Variants in KCNH8 observed in about 807,000 individuals in gnomAD.
KCNH8 encodes the protein potassium voltage-gated channel subfamily H member 8, also known as voltage-gated delayed rectifier potassium channel KCNH8.
In KCNH8, 70 loss-of-function variants were observed where a neutral mutation model predicts 103.6. The observed-to-expected ratio is 0.68, with a 90% CI of 0.56 to 0.82. The LOEUF is 0.82. Among genes scored for constraint, KCNH8 ranks in the 40% least tolerant of loss-of-function variants. The probability of loss-of-function intolerance (pLI) is 0.00; values close to 1 mark genes in which losing one functional copy is unlikely to be tolerated. For missense variants in KCNH8, 1,217 were observed against 1,329.9 expected, an observed-to-expected ratio of 0.92 and a Z score of 1.32; for synonymous variants, 498 against 489.4, an observed-to-expected ratio of 1.02 and a Z score of -0.23.
chr3:19,367,707 T>G (rs552956107), intron 5 of KCNH8, among the ~76,000 whole-genome samples: 5 of 152,064 alleles, frequency 3.3e-5, no homozygotes, highest in South Asian at 4.1e-4. Context: ...TCCAAAGGTT[T>G]GTTTGTTTCA....
At chr3:19,251,661 A>G (rs1575469687) in intron 1 of KCNH8, among the ~76,000 whole-genome samples, 1 of 152,132 alleles carries the variant, frequency 6.6e-6, no homozygotes, top group Admixed American at 6.6e-5. Context: ...CCATGGCAGG[A>G]AAGATAGTCT....
intron 1 of KCNH8, among the ~76,000 whole-genome samples, chr3:19,232,348 T>C (rs570915364): frequency 6.6e-6 from 1 of 152,318 alleles, no homozygotes; most frequent in East Asian, 1.9e-4. Context: ...CCTCAACATT[T>C]TCATCAAAGG....
intron 11 of KCNH8, among the ~76,000 whole-genome samples, chr3:19,506,379 T>C (rs552610890): frequency 6.6e-6 from 1 of 152,326 alleles, no homozygotes; most frequent in Admixed American, 6.5e-5. Context: ...AGGGCCTTTA[T>C]TTTTAGCTGA....
intron 11 of KCNH8, among the ~76,000 whole-genome samples, chr3:19,483,245 G>T (rs1348681649): frequency 6.6e-6 from 1 of 151,982 alleles, no homozygotes; most frequent in Non-Finnish European, 1.5e-5. Context: ...GTCCAGTCCT[G>T]GTGGGACTCC....
intron 7 of KCNH8, among the ~76,000 whole-genome samples, chr3:19,427,811 AG>A (rs2067051104): frequency 6.6e-6 from 1 of 152,200 alleles, no homozygotes; most frequent in Non-Finnish European, 1.5e-5. Context: ...AAATAATGCA[AG>A]GTCTGCAGAC....
At chr3:19,495,762 G>A (rs938639314) in intron 11 of KCNH8, among the ~76,000 whole-genome samples, 3 of 151,434 alleles carry the variant, frequency 2.0e-5, no homozygotes, top group Non-Finnish European at 4.4e-5. Context: ...CAGTTTCATA[G>A]GCATAGCATC....
chr3:19,397,823 T>A (rs978658823), intron 7 of KCNH8, among the ~76,000 whole-genome samples: 1 of 151,874 alleles, frequency 6.6e-6, no homozygotes, highest in South Asian at 2.1e-4. Flanking sequence ...TCCCTTCTCC[T>A]AAAATTACTT....
intron 5 of KCNH8, among the ~76,000 whole-genome samples, chr3:19,369,421 C>G (rs989257901): frequency 1.3e-5 from 2 of 151,784 alleles, no homozygotes; most frequent in African/African-American, 4.8e-5. Context: ...TTCCTGTATC[C>G]TAAATGATAC....
rs867156755 is a variant in KCNH8, at chr3:19,441,037, G to C, written c.1375+2676G>C. Reference sequence around the variant, plus strand: ...GAACCAAGGGAAGACTGGCAGGCAGGAGGAGGGGAGGAGGGACTGCCTGCT... The same window carrying C: ...GAACCAAGGGAAGACTGGCAGGCAGCAGGAGGGGAGGAGGGACTGCCTGCT... On this transcript the variant is annotated intron_variant, in intron 8 of 15. Transcript: ENST00000328405. 3.9e-5 allele frequency among the ~76,000 whole-genome samples: 6 copies of C among 152,272 alleles called. No homozygotes were observed. The South Asian group carries it at 8.3e-4, about 21-fold the overall frequency.
chr3:19,522,836 C>T (rs1284495972), intron 15 of KCNH8, among the ~76,000 whole-genome samples: 2 of 151,428 alleles, frequency 1.3e-5, no homozygotes, highest in Non-Finnish European at 2.9e-5. Flanking sequence ...TTAAATTTTC[C>T]CATAGCAAAA....
chr3:19,278,172 A>G (rs2064702011), intron 2 of KCNH8, among the ~76,000 whole-genome samples: 1 of 152,118 alleles, frequency 6.6e-6, no homozygotes, highest in Non-Finnish European at 1.5e-5. Context: ...GGAAAGATTT[A>G]GGAAAGCAGA....
intron 5 of KCNH8, among the ~76,000 whole-genome samples, chr3:19,348,545 T>C (rs1490631072): frequency 6.6e-6 from 1 of 152,104 alleles, no homozygotes; most frequent in African/African-American, 2.4e-5. Context: ...CAGTTGAAGC[T>C]GCGTCTGTGC....
chr3:19,239,952 C>T (rs1267353317), intron 1 of KCNH8, among the ~76,000 whole-genome samples: 1 of 152,088 alleles, frequency 6.6e-6, no homozygotes, highest in Non-Finnish European at 1.5e-5. Flanking sequence ...TTAGCTAGAG[C>T]ATATTCAGTA....
intron 11 of KCNH8, among the ~76,000 whole-genome samples, chr3:19,497,070 T>C (rs2068458318): frequency 6.6e-6 from 1 of 152,188 alleles, no homozygotes; most frequent in Admixed American, 6.5e-5. Context: ...TGAGGGTTTT[T>C]TATATTCCTG....
intron 2 of KCNH8, among the ~76,000 whole-genome samples, chr3:19,258,369 G>T (rs547128519): frequency 6.6e-6 from 1 of 152,104 alleles, no homozygotes; most frequent in East Asian, 1.9e-4. Flanking sequence ...TCCCAGGGAA[G>T]TTTGCAAATC....
chr3:19,409,318 A>G (rs139062354), intron 7 of KCNH8, among the ~76,000 whole-genome samples: 5 of 152,264 alleles, frequency 3.3e-5, no homozygotes, highest in African/African-American at 1.2e-4. Flanking sequence ...AGCAAGCACT[A>G]AGGGAATTTG....
intron 7 of KCNH8, among the ~76,000 whole-genome samples, chr3:19,431,477 C>A (rs757765127): frequency 1.3e-5 from 2 of 152,142 alleles, no homozygotes; most frequent in Non-Finnish European, 2.9e-5. Context: ...GTTTTGGAAT[C>A]AGGATAATGC....
intron 3 of KCNH8, among the ~76,000 whole-genome samples, chr3:19,301,964 G>A (rs555038340): frequency 6.6e-6 from 1 of 152,192 alleles, no homozygotes; most frequent in African/African-American, 2.4e-5. Context: ...AGGAGCTTCT[G>A]TTACTGTGAA....
intron 8 of KCNH8, chr3:19,448,989 C>T (rs1030901502): frequency 3.3e-5 from 43 of 1,284,000 alleles, no homozygotes; most frequent in Non-Finnish European, 4.3e-5. Context: ...GAAACCATTT[C>T]GGTTTCATTC....
Sources: gnomAD v4.1 joint callset for allele counts (sites outside exome capture counted in the v4.1 genomes callset) on GRCh38, gnomAD v4.1.1 for gene constraint, MANE v1.5 for transcripts, NCBI Gene and HGNC (gene_info 2026-07-23, HGNC 2026-07-21) for gene names.